The following HIPK2 variants were observed in gnomAD, a reference collection of about 807,000 sequenced individuals.
The protein encoded by HIPK2 is homeodomain interacting protein kinase 2.
A neutral mutation model predicts 113.7 loss-of-function variants in HIPK2; 27 were observed. The ratio of observed to expected loss-of-function variants is 0.24; its 90% CI spans 0.17 to 0.33. The LOEUF (loss-of-function observed/expected upper bound fraction) is 0.33. HIPK2 is among the 10% of genes least tolerant of loss of function. The pLI, the probability that HIPK2 is intolerant of heterozygous loss-of-function variation, is 1.00. For synonymous variants in HIPK2, 631 were observed against 642.2 expected, an observed-to-expected ratio of 0.98 and a Z score of 0.26; for missense variants, 1,257 against 1,588.0, an observed-to-expected ratio of 0.79 and a Z score of 3.54.
intron 9 of HIPK2, among the ~76,000 whole-genome samples, chr7:139,611,775 C>G (rs1799836293): frequency 6.6e-6 from 1 of 152,074 alleles, no homozygotes; most frequent in Non-Finnish European, 1.5e-5. Flanking sequence ...AACTCCTGGG[C>G]TCAAGTGATC....
chr7:139,655,284 C>A (rs912204836), intron 2 of HIPK2, among the ~76,000 whole-genome samples: 3 of 152,224 alleles, frequency 2.0e-5, no homozygotes, highest in Admixed American at 1.3e-4. Context: ...CAAATAAATT[C>A]AGAGCAAGCG....
At chr7:139,743,620 C>T (rs1796143659) in intron 1 of HIPK2, among the ~76,000 whole-genome samples, 1 of 152,218 alleles carries the variant, frequency 6.6e-6, no homozygotes, top group Admixed American at 6.5e-5. Flanking sequence ...GTAGTAGCCA[C>T]TGCCCTGTGG....
intron 2 of HIPK2, among the ~76,000 whole-genome samples, chr7:139,648,279 T>C (rs2116441993): frequency 6.6e-6 from 1 of 152,336 alleles, no homozygotes; most frequent in East Asian, 1.9e-4. Context: ...GCCTAACTCT[T>C]TAGTAAGTCT....
At chr7:139,611,644 T>C (rs1158176549) in intron 9 of HIPK2, among the ~76,000 whole-genome samples, 1 of 152,198 alleles carries the variant, frequency 6.6e-6, no homozygotes, top group Non-Finnish European at 1.5e-5. Context: ...TGGGCTCAAG[T>C]GATCCTTTTG....
intron 2 of HIPK2, among the ~76,000 whole-genome samples, chr7:139,709,903 A>G (rs1388392504): frequency 6.6e-6 from 1 of 152,234 alleles, no homozygotes; most frequent in Non-Finnish European, 1.5e-5. Flanking sequence ...ATTCCCTCTA[A>G]GTCAATTCTG....
chr7:139,772,185 C>T (rs566858930), intron 1 of HIPK2, among the ~76,000 whole-genome samples: 1 of 152,254 alleles, frequency 6.6e-6, no homozygotes, highest in South Asian at 2.1e-4. Flanking sequence ...GGGTAAGTAG[C>T]CACTGAATGC....
intron 1 of HIPK2, among the ~76,000 whole-genome samples, chr7:139,740,903 T>C (rs1329105533): frequency 1.3e-5 from 2 of 152,128 alleles, no homozygotes; most frequent in Non-Finnish European, 2.9e-5. Flanking sequence ...TCCCAGCACT[T>C]TGAGAGGCTG....
chr7:139,713,351 C>T (rs1044317242), intron 2 of HIPK2, among the ~76,000 whole-genome samples: 1 of 152,108 alleles, frequency 6.6e-6, no homozygotes, highest in African/African-American at 2.4e-5. Context: ...CGCAGGCTTC[C>T]TGAGCTAGGA....
intron 9 of HIPK2, among the ~76,000 whole-genome samples, chr7:139,604,762 G>A (rs1169520099): frequency 1.3e-5 from 2 of 151,882 alleles, no homozygotes; most frequent in Non-Finnish European, 2.9e-5. Context: ...ACAGCTGTAT[G>A]GAAGGGATTC....
At chr7:139,766,571 CTTCTTACCGGAG>C (rs1453849670) in intron 1 of HIPK2, among the ~76,000 whole-genome samples, 1 of 152,300 alleles carries the variant, frequency 6.6e-6, no homozygotes, top group East Asian at 1.9e-4. Context: ...ATCCCAGATC[CTTCTTACCGGAG>C]TCAGTCTTGC....
intron 2 of HIPK2, among the ~76,000 whole-genome samples, chr7:139,680,488 T>G (rs1802661804): frequency 6.6e-6 from 1 of 152,214 alleles, no homozygotes; most frequent in Admixed American, 6.5e-5. Flanking sequence ...GAGGGGATGC[T>G]GTTTTATGAG....
rs1798371042 is a variant in HIPK2 at position 139,573,291 on chromosome 7, G to A, written c.3233C>T (p.Pro1078Leu). The change falls in exon 15 of 15, where the codon CCC (proline) becomes CTC (leucine). Residue 1078 changes from proline to leucine, a missense_variant. Transcript: ENST00000406875. ...QAPYSFPHNS[P>L]SHGTVHPHLA... ...ATGCGGGTGCACAGTGCCGTGGCTGGGGCTGTTGTGCGGGAAGGAGTACGG... is the reference window on the plus strand; with the variant it reads ...ATGCGGGTGCACAGTGCCGTGGCTGAGGCTGTTGTGCGGGAAGGAGTACGG... 1 of 1,605,032 alleles carries A rather than the reference G, an allele frequency of 6.2e-7. No individual in the cohort carries two copies. Among genetic ancestry groups the A allele is most frequent in the South Asian group, 1.1e-5 (1 of 91,038 alleles).
At chr7:139,732,431 G>A (rs955837105) in intron 1 of HIPK2, among the ~76,000 whole-genome samples, 1 of 152,200 alleles carries the variant, frequency 6.6e-6, no homozygotes, top group Non-Finnish European at 1.5e-5. Flanking sequence ...GATAATACTG[G>A]TTCTTGTAGC....
chr7:139,732,621 C>T (rs555958981), intron 1 of HIPK2, among the ~76,000 whole-genome samples: 1 of 152,102 alleles, frequency 6.6e-6, no homozygotes, highest in South Asian at 2.1e-4. Flanking sequence ...GCCAGTGCTG[C>T]CCTTTCTAGC....
chr7:139,641,852 T>A (rs1801037212), intron 2 of HIPK2, among the ~76,000 whole-genome samples: 3 of 152,238 alleles, frequency 2.0e-5, no homozygotes, highest in African/African-American at 7.2e-5. Flanking sequence ...GGGTAATAAA[T>A]CTGCAGCGCT....
At chr7:139,597,641 G>T (rs1799270549) in intron 11 of HIPK2, among the ~76,000 whole-genome samples, 1 of 152,128 alleles carries the variant, frequency 6.6e-6, no homozygotes, top group East Asian at 1.9e-4. Context: ...TGATTTTTCT[G>T]GATTTTGCCT....
chr7:139,707,953 C>G (rs1030786037), intron 2 of HIPK2, among the ~76,000 whole-genome samples: 6 of 152,052 alleles, frequency 3.9e-5, no homozygotes, highest in Non-Finnish European at 7.4e-5. Flanking sequence ...ACCCACATGA[C>G]CCCTCCTATG....
intron 1 of HIPK2, among the ~76,000 whole-genome samples, chr7:139,719,242 G>A (rs1795337605): frequency 6.6e-6 from 1 of 152,084 alleles, no homozygotes; most frequent in African/African-American, 2.4e-5. Context: ...GAGTAGCTGG[G>A]ACTACAGGTG....
chr7:139,704,055 C>CAT (rs1794803441), intron 2 of HIPK2, among the ~76,000 whole-genome samples: 1 of 10,062 alleles, frequency 9.9e-5, no homozygotes, highest in Admixed American at 1.8e-3. Flanking sequence ...ACACCCAACA[C>CAT]ACACACACCC....
Sources: gnomAD v4.1 joint callset for allele counts (sites outside exome capture counted in the v4.1 genomes callset) on GRCh38, gnomAD v4.1.1 for gene constraint, MANE v1.5 for transcripts, NCBI Gene and HGNC (gene_info 2026-07-23, HGNC 2026-07-21) for gene names.